Variants in KPNA3 observed in about 807,000 individuals in gnomAD.
The protein encoded by KPNA3 is karyopherin subunit alpha 3, also known as importin subunit alpha-4.
A neutral mutation model predicts 73.8 loss-of-function variants in KPNA3; 13 were observed. That is an observed-to-expected ratio of 0.18 (90% CI 0.11 to 0.28). The LOEUF (loss-of-function observed/expected upper bound fraction) is 0.28. Among genes scored for constraint, KPNA3 ranks in the 10% least tolerant of loss-of-function variants. The pLI is 1.00. For missense variants in KPNA3, 360 were observed against 618.1 expected (o/e 0.58, Z 4.43); for synonymous variants, 186 against 206.9 (o/e 0.90, Z 0.87).
chr13:49,719,854 T>C (rs1225748429), intron 9 of KPNA3, 35 bp from the exon 10 acceptor site: 1 of 1,339,850 alleles, frequency 7.5e-7, no homozygotes, highest in Admixed American at 1.7e-5. Context: ...TTAACATTAG[T>C]TAATTAATAT....
At chr13:49,726,122 T>C (rs1353104096) in intron 6 of KPNA3, among the ~76,000 whole-genome samples, 1 of 152,182 alleles carries the variant, frequency 6.6e-6, no homozygotes, top group Non-Finnish European at 1.5e-5. Flanking sequence ...ATTTCTTACA[T>C]TTATATAATC....
intron 1 of KPNA3, among the ~76,000 whole-genome samples, chr13:49,772,799 G>C (rs1414374715): frequency 2.6e-5 from 4 of 152,136 alleles, no homozygotes; most frequent in African/African-American, 9.7e-5. Context: ...GCAAGACTCT[G>C]TCTCAAAATA....
At chr13:49,738,288 C>T (rs1221476414) in intron 2 of KPNA3, among the ~76,000 whole-genome samples, 2 of 152,104 alleles carry the variant, frequency 1.3e-5, no homozygotes, top group Non-Finnish European at 2.9e-5. Flanking sequence ...TTTCATATTG[C>T]GTGAAGTAAT....
At chr13:49,767,674 G>A (rs1244010154) in intron 1 of KPNA3, among the ~76,000 whole-genome samples, 1 of 152,008 alleles carries the variant, frequency 6.6e-6, no homozygotes, top group African/African-American at 2.4e-5. Flanking sequence ...CATAAGAGTG[G>A]CTCTGTCACT....
intron 6 of KPNA3, among the ~76,000 whole-genome samples, chr13:49,729,197 A>G (rs1300844263): frequency 6.6e-6 from 1 of 152,170 alleles, no homozygotes; most frequent in Non-Finnish European, 1.5e-5. Context: ...TCCCCTGTAT[A>G]TGATGAATTC....
intron 9 of KPNA3, 81 bp from the exon 10 acceptor site, chr13:49,719,900 G>C: frequency 1.1e-6 from 1 of 903,222 alleles, no homozygotes; most frequent in South Asian, 1.4e-5. Context: ...ATAAAAAGCG[G>C]TAAATATGGT....
intron 1 of KPNA3, among the ~76,000 whole-genome samples, chr13:49,755,071 A>C (rs1954699101): frequency 6.6e-6 from 1 of 152,090 alleles, no homozygotes; most frequent in South Asian, 2.1e-4. Flanking sequence ...GCATTAAAAA[A>C]AAAAGAAGAA....
intron 1 of KPNA3, among the ~76,000 whole-genome samples, chr13:49,785,714 A>G (rs1365915471): frequency 2.0e-5 from 3 of 152,202 alleles, no homozygotes; most frequent in Non-Finnish European, 4.4e-5. Flanking sequence ...GAGTACTCCA[A>G]GAGAACCAGG....
intron 9 of KPNA3, among the ~76,000 whole-genome samples, 198 bp downstream of exon 9, chr13:49,721,757 T>C (rs1023660026): frequency 2.0e-5 from 3 of 151,934 alleles, no homozygotes; most frequent in Non-Finnish European, 4.4e-5. Flanking sequence ...GAAGTGGAGC[T>C]TGCCGTGAGC....
At chr13:49,716,797 G>A (rs1439392862) in intron 10 of KPNA3, among the ~76,000 whole-genome samples, 1 of 152,028 alleles carries the variant, frequency 6.6e-6, no homozygotes, top group African/African-American at 2.4e-5. Context: ...TGCCATTCCT[G>A]AAACGCCAGG....
intron 11 of KPNA3, among the ~76,000 whole-genome samples, chr13:49,709,903 A>G (rs1954244138): frequency 6.6e-6 from 1 of 151,326 alleles, no homozygotes; most frequent in South Asian, 2.1e-4. Context: ...AAAAAAAAAA[A>G]TTGTGTGAAA....
intron 6 of KPNA3, among the ~76,000 whole-genome samples, chr13:49,727,456 A>AG (rs1174251928): frequency 6.6e-6 from 1 of 151,916 alleles, no homozygotes; most frequent in African/African-American, 2.4e-5. Context: ...TCAAAAAAAA[A>AG]AAAAAAAGAA....
chr13:49,787,882 G>A (rs984331395), intron 1 of KPNA3, among the ~76,000 whole-genome samples: 1 of 152,052 alleles, frequency 6.6e-6, no homozygotes, highest in Non-Finnish European at 1.5e-5. Context: ...GTTTCACCAT[G>A]TTGGCCAGGC....
At chr13:49,709,520 T>TA in intron 12 of KPNA3, 52 bp downstream of exon 12, 1 of 1,473,134 alleles carries the variant, frequency 6.8e-7, no homozygotes, top group Non-Finnish European at 9.2e-7. Context: ...AGGAGACAGT[T>TA]AAAAATGAGA....
chr13:49,762,862 AAAAAAAATAAAATTAAATT>A (rs1954779174), intron 1 of KPNA3, among the ~76,000 whole-genome samples: 1 of 151,514 alleles, frequency 6.6e-6, no homozygotes, highest in South Asian at 2.1e-4. Flanking sequence ...AATGATCAAT[AAAAAAAATAAAATTAAATT>A]AAAAAAATAA....
intron 1 of KPNA3, among the ~76,000 whole-genome samples, chr13:49,775,316 C>T (rs945932569): frequency 2.0e-5 from 3 of 151,854 alleles, no homozygotes; most frequent in Admixed American, 2.0e-4. Flanking sequence ...CATATCATGG[C>T]ATGCACAGAA....
chr13:49,732,195 C>T (rs958803754), intron 6 of KPNA3, among the ~76,000 whole-genome samples, 176 bp downstream of exon 6: 2 of 151,844 alleles, frequency 1.3e-5, no homozygotes, highest in African/African-American at 2.4e-5. Flanking sequence ...GAAATGAAAA[C>T]GAGAAGCACT....
At chr13:49,721,534 C>T (rs1293959044) in intron 9 of KPNA3, among the ~76,000 whole-genome samples, 1 of 151,998 alleles carries the variant, frequency 6.6e-6, no homozygotes, top group African/African-American at 2.4e-5. Flanking sequence ...AATCTTACAC[C>T]TGTGGCTGGG....
intron 12 of KPNA3, among the ~76,000 whole-genome samples, chr13:49,706,804 A>G (rs1050179289): frequency 3.3e-5 from 5 of 151,800 alleles, no homozygotes; most frequent in Admixed American, 1.3e-4. Flanking sequence ...GTTGGAGTGC[A>G]GTGGCGTGAT....
Sources: gnomAD v4.1 joint callset for allele counts (sites outside exome capture counted in the v4.1 genomes callset) on GRCh38, gnomAD v4.1.1 for gene constraint, MANE v1.5 for transcripts, NCBI Gene and HGNC (gene_info 2026-07-23, HGNC 2026-07-21) for gene names.